SPON1: variants seen among roughly 807,000 people sequenced by gnomAD.
SPON1 encodes spondin-1.
SPON1 carries 52 observed loss-of-function variants against 111.7 expected under a neutral mutation model. That is an observed-to-expected ratio of 0.47 (90% CI 0.37 to 0.59). SPON1 has a LOEUF of 0.59. Ranked by LOEUF, SPON1 falls within the 20% of genes least tolerant of loss-of-function variation. The pLI is 0.00. For missense variants in SPON1, 957 were observed against 1,068.5 expected, an observed-to-expected ratio of 0.90 and a Z score of 1.46; for synonymous variants, 410 against 395.8, an observed-to-expected ratio of 1.04 and a Z score of -0.43.
intron 2 of SPON1, among the ~76,000 whole-genome samples, chr11:13,997,953 T>TA (rs2133790953): frequency 6.6e-6 from 1 of 152,260 alleles, no homozygotes; most frequent in South Asian, 2.1e-4. Context: ...ACTATTCTAG[T>TA]TGCTTCGTAT....
intron 1 of SPON1, among the ~76,000 whole-genome samples, chr11:13,969,159 T>C (rs1173012436): frequency 6.9e-6 from 1 of 145,864 alleles, no homozygotes; most frequent in African/African-American, 2.5e-5. Context: ...ACAGGTGGAT[T>C]GCTTAACCCC....
At chr11:14,150,559 A>G (rs782762314) in intron 6 of SPON1, among the ~76,000 whole-genome samples, 13 of 152,178 alleles carry the variant, frequency 8.5e-5, no homozygotes, top group Non-Finnish European at 1.9e-4. Flanking sequence ...ATATCACACT[A>G]TACCCTGTAA....
intron 6 of SPON1, among the ~76,000 whole-genome samples, chr11:14,214,684 G>A (rs927948740): frequency 6.6e-6 from 1 of 152,166 alleles, no homozygotes; most frequent in Non-Finnish European, 1.5e-5. Flanking sequence ...GGGAGGCTGT[G>A]CATTAATTTC....
intron 6 of SPON1, among the ~76,000 whole-genome samples, chr11:14,205,805 G>A (rs1848511246): frequency 6.6e-6 from 1 of 152,188 alleles, no homozygotes; most frequent in Non-Finnish European, 1.5e-5. Flanking sequence ...TGGAAAGGAA[G>A]TGGCTCAGGG....
At chr11:14,008,330 C>T (rs925945735) in intron 2 of SPON1, among the ~76,000 whole-genome samples, 3 of 152,028 alleles carry the variant, frequency 2.0e-5, no homozygotes, top group Non-Finnish European at 4.4e-5. Context: ...TTGTATTTCG[C>T]GGGGACATTT....
intron 6 of SPON1, among the ~76,000 whole-genome samples, chr11:14,178,926 A>G (rs962597379): frequency 2.6e-5 from 4 of 152,248 alleles, no homozygotes; most frequent in South Asian, 4.1e-4. Context: ...GACTGGCCCA[A>G]TGATGATTAA....
intron 5 of SPON1, among the ~76,000 whole-genome samples, chr11:14,132,220 G>A (rs1554927576): frequency 6.6e-6 from 1 of 152,052 alleles, no homozygotes; most frequent in Non-Finnish European, 1.5e-5. Flanking sequence ...AGAGGTTGCA[G>A]TGAGCTGAGA....
intron 6 of SPON1, among the ~76,000 whole-genome samples, chr11:14,161,279 A>ATATATATT (rs1370654406): frequency 7.5e-5 from 4 of 53,292 alleles, no homozygotes; most frequent in Admixed American, 6.9e-4. Context: ...CTGTATATCT[A>ATATATATT]TATATATTTA....
chr11:14,193,963 G>A (rs1848374211), intron 6 of SPON1, among the ~76,000 whole-genome samples: 1 of 152,206 alleles, frequency 6.6e-6, no homozygotes, highest in Non-Finnish European at 1.5e-5. Flanking sequence ...AAGTGCCTCT[G>A]AAAGGCAGCA....
rs549490281 is a variant in SPON1, at chr11:14,193,508, A to C, written c.826-49824A>C. ...AGGATGGTGAGCTCTGCTTGTCACA[A>C]AGGTAACAGGGGTGGTCATTGGTTT... On this transcript the variant is annotated intron_variant, in intron 6 of 15. Coordinates refer to ENST00000576479, the MANE Select transcript of SPON1 (RefSeq NM_006108.4). 1.1e-4 allele frequency among the ~76,000 whole-genome samples: 17 copies of C among 152,232 alleles called. No homozygotes were observed. The East Asian group carries it at 3.1e-3, about 28-fold the overall frequency.
intron 2 of SPON1, among the ~76,000 whole-genome samples, chr11:13,983,156 G>C (rs537121476): frequency 2.6e-5 from 4 of 152,386 alleles, no homozygotes; most frequent in African/African-American, 7.2e-5. Context: ...GGCAGGCCTT[G>C]TTTTGTCTCA....
chr11:14,053,541 T>TGTGAACA (rs1848723195), intron 3 of SPON1, among the ~76,000 whole-genome samples: 1 of 152,240 alleles, frequency 6.6e-6, no homozygotes, highest in Non-Finnish European at 1.5e-5. Context: ...TGTTTATCCC[T>TGTGAACA]GTGAACATTT....
At chr11:14,071,142 T>A (rs1403246651) in intron 3 of SPON1, among the ~76,000 whole-genome samples, 1 of 152,178 alleles carries the variant, frequency 6.6e-6, no homozygotes, top group African/African-American at 2.4e-5. Context: ...CTATTATTTT[T>A]CTGAATGATA....
At position 14,019,708 on chromosome 11, in the gene SPON1, A is replaced by G. The variant is rs184159025; in HGVS notation, c.346-21813A>G. Among the ~76,000 whole-genome samples the G allele has an allele frequency of 1.7e-4, 26 of 152,278 alleles. No homozygotes were observed. In the East Asian group the frequency reaches 5.0e-3, roughly 29 times the overall value. On this transcript the variant is annotated intron_variant, in intron 2 of 15. Coordinates refer to ENST00000576479, the MANE Select transcript of SPON1 (RefSeq NM_006108.4). ...CACATTCTTTTAGCAGCTCAGTGACATCAGGTCCCTGGACTAGTAGCTCTG... is the reference window on the plus strand; with the variant it reads ...CACATTCTTTTAGCAGCTCAGTGACGTCAGGTCCCTGGACTAGTAGCTCTG...
chr11:14,198,146 G>T (rs1168783635), intron 6 of SPON1, among the ~76,000 whole-genome samples: 1 of 152,190 alleles, frequency 6.6e-6, no homozygotes, highest in Non-Finnish European at 1.5e-5. Context: ...TCAAATCGGT[G>T]CCTAATGTGA....
chr11:14,107,718 C>T (rs1012777079), intron 5 of SPON1, among the ~76,000 whole-genome samples: 1 of 152,040 alleles, frequency 6.6e-6, no homozygotes, highest in Non-Finnish European at 1.5e-5. Context: ...AATCCCCAAA[C>T]CAGATCAGAG....
intron 6 of SPON1, among the ~76,000 whole-genome samples, chr11:14,229,553 G>A (rs569418619): frequency 4.3e-4 from 66 of 152,222 alleles, no homozygotes; most frequent in South Asian, 2.1e-3. Context: ...TATTCACCTG[G>A]CCCTGACTGA....
At chr11:14,163,806 A>C (rs1338324136) in intron 6 of SPON1, among the ~76,000 whole-genome samples, 7 of 152,074 alleles carry the variant, frequency 4.6e-5, no homozygotes. Context: ...GCTGTCCTCC[A>C]TATTGATTCC....
At chr11:14,164,454 A>G (rs1554931691) in intron 6 of SPON1, among the ~76,000 whole-genome samples, 1 of 152,190 alleles carries the variant, frequency 6.6e-6, no homozygotes, top group Non-Finnish European at 1.5e-5. Context: ...TTCCTGAAAG[A>G]GTACTTAACC....
Sources: gnomAD v4.1 joint callset for allele counts (sites outside exome capture counted in the v4.1 genomes callset) on GRCh38, gnomAD v4.1.1 for gene constraint, MANE v1.5 for transcripts, NCBI Gene and HGNC (gene_info 2026-07-23, HGNC 2026-07-21) for gene names.